The following ARFIP1 variants were observed in gnomAD, a reference collection of about 807,000 sequenced individuals.
ARFIP1 encodes ARF interacting protein 1, also known as arfaptin-1.
In ARFIP1, 24 loss-of-function variants were observed where a neutral mutation model predicts 42.5. That is an observed-to-expected ratio of 0.57 (90% CI 0.41 to 0.80). The LOEUF (loss-of-function observed/expected upper bound fraction) is 0.80, where lower values mean the gene tolerates loss of function less well. ARFIP1 is among the 30% of genes least tolerant of loss of function. The pLI is 0.00. For synonymous variants in ARFIP1, 141 were observed against 153.7 expected (o/e 0.92, Z 0.61); for missense variants, 354 against 434.0 (o/e 0.82, Z 1.64).
chr4:152,846,970 T>A (rs1350223953), intron 2 of ARFIP1, among the ~76,000 whole-genome samples: 1 of 151,900 alleles, frequency 6.6e-6, no homozygotes, highest in African/African-American at 2.4e-5. Context: ...GATATTTGAT[T>A]TTTCATTTTA....
intron 1 of ARFIP1, among the ~76,000 whole-genome samples, chr4:152,781,078 G>C (rs1037553603): frequency 1.1e-4 from 16 of 152,230 alleles, no homozygotes; most frequent in African/African-American, 3.9e-4. Flanking sequence ...AAGAGATCCA[G>C]AACTTCGCAT....
chr4:152,892,327 C>T (rs894180947), intron 8 of ARFIP1, among the ~76,000 whole-genome samples: 10 of 152,196 alleles, frequency 6.6e-5, no homozygotes, highest in African/African-American at 2.4e-4. Flanking sequence ...TTCTCTCTCT[C>T]TGTCTCTCTT....
At chr4:152,904,234 A>C (rs2149912416) in intron 8 of ARFIP1, among the ~76,000 whole-genome samples, 1 of 147,578 alleles carries the variant, frequency 6.8e-6, no homozygotes, top group South Asian at 2.1e-4. Context: ...CTCTGTCACC[A>C]GGCTGGAGTG....
intron 2 of ARFIP1, among the ~76,000 whole-genome samples, chr4:152,840,792 C>T (rs1732004461): frequency 6.7e-6 from 1 of 148,180 alleles, no homozygotes; most frequent in South Asian, 2.1e-4. Context: ...AATCTCGGCT[C>T]ACTGCAGCTT....
chr4:152,908,893 T>A (rs1344381701), intron 8 of ARFIP1, among the ~76,000 whole-genome samples: 1 of 20,292 alleles, frequency 4.9e-5, no homozygotes, highest in East Asian at 2.8e-3. Flanking sequence ...TAGAGAGAAG[T>A]GTGTGTGTGT....
chr4:152,839,381 T>C (rs1731887536), intron 2 of ARFIP1, among the ~76,000 whole-genome samples: 2 of 152,222 alleles, frequency 1.3e-5, no homozygotes, highest in South Asian at 4.1e-4. Flanking sequence ...GAATTTCTGG[T>C]ATAATTCTGC....
At chr4:152,847,037 ACATCTATGTAGAGATG>A in intron 2 of ARFIP1, among the ~76,000 whole-genome samples, 17 of 150,300 alleles carry the variant, frequency 1.1e-4, no homozygotes, top group African/African-American at 3.9e-4. Flanking sequence ...CTCAATATTC[ACATCTATGTAGAGATG>A]ATTTTGTCCT....
At chr4:152,868,467 G>A (rs906128113) in intron 3 of ARFIP1, among the ~76,000 whole-genome samples, 1 of 152,006 alleles carries the variant, frequency 6.6e-6, no homozygotes, top group African/African-American at 2.4e-5. Context: ...TTGTTTAAAG[G>A]GTTAAAGTAT....
At chr4:152,837,229 A>G (rs527453263) in intron 2 of ARFIP1, among the ~76,000 whole-genome samples, 1 of 152,264 alleles carries the variant, frequency 6.6e-6, no homozygotes, top group African/African-American at 2.4e-5. Context: ...GAATTGTGCC[A>G]CTATAAACAT....
intron 2 of ARFIP1, among the ~76,000 whole-genome samples, chr4:152,848,687 A>G (rs889544331): frequency 3.9e-5 from 6 of 152,188 alleles, no homozygotes; most frequent in African/African-American, 1.4e-4. Context: ...TTCCCAAGAG[A>G]TTGGAATCAC....
chr4:152,887,294 A>G (rs1049855536), intron 7 of ARFIP1, among the ~76,000 whole-genome samples: 5 of 151,902 alleles, frequency 3.3e-5, no homozygotes, highest in Admixed American at 3.3e-4. Flanking sequence ...ATGGGGGGAG[A>G]ATATCAGAGT....
intron 8 of ARFIP1, among the ~76,000 whole-genome samples, chr4:152,896,518 A>G (rs576840790): frequency 2.0e-5 from 3 of 152,346 alleles, no homozygotes; most frequent in African/African-American, 7.2e-5. Flanking sequence ...AGTATCTTGT[A>G]TGTAAGAAAA....
At chr4:152,816,043 C>A (rs915995805) in intron 1 of ARFIP1, among the ~76,000 whole-genome samples, 13 of 152,258 alleles carry the variant, frequency 8.5e-5, no homozygotes, top group African/African-American at 2.9e-4. Context: ...CGCGCCCGGC[C>A]ATCTGACCAC....
At chr4:152,905,601 G>T (rs1322528738) in intron 8 of ARFIP1, among the ~76,000 whole-genome samples, 1 of 107,738 alleles carries the variant, frequency 9.3e-6, no homozygotes, top group Non-Finnish European at 1.8e-5. Flanking sequence ...TGTCCAGGCT[G>T]GAGTGCAGTG....
rs1738730652 is a variant in ARFIP1, at chr4:152,910,195, C to G, written c.1098C>G (p.Ala366=). 4 of 1,613,368 alleles carry G rather than the reference C, an allele frequency of 2.5e-6. No homozygotes were observed. In the East Asian group the frequency reaches 6.7e-5, roughly 27 times the overall value. ...HIKLKTPGVD[A]PSWLEEQ The stretch of plus-strand genomic sequence containing the variant: ...AATTGAAAACCCCTGGAGTGGATGC[C>G]CCATCTTGGCTTGAAGAACAGTAAA... Residue 366 remains alanine, a synonymous_variant, in exon 9 of 9, where the codon GCC becomes GCG. Coordinates refer to ENST00000353617, the MANE Select transcript of ARFIP1 (RefSeq NM_001025595.3).
intron 1 of ARFIP1, among the ~76,000 whole-genome samples, chr4:152,793,325 AT>A (rs935075205): frequency 1.1e-4 from 16 of 141,340 alleles, no homozygotes; most frequent in South Asian, 7.0e-4. Flanking sequence ...AAAAAAAAAA[AT>A]GATATATATA....
intron 1 of ARFIP1, among the ~76,000 whole-genome samples, chr4:152,809,162 G>A (rs1040171247): frequency 3.9e-5 from 6 of 152,138 alleles, no homozygotes; most frequent in African/African-American, 1.2e-4. Flanking sequence ...AGCTAATTTT[G>A]CTGTATTAAC....
chr4:152,824,743 G>A (rs1730679121), intron 1 of ARFIP1, among the ~76,000 whole-genome samples: 1 of 152,166 alleles, frequency 6.6e-6, no homozygotes, highest in African/African-American at 2.4e-5. Context: ...TTGGAAAAGA[G>A]GAAGTCCGGT....
intron 3 of ARFIP1, among the ~76,000 whole-genome samples, chr4:152,865,359 A>G (rs1234394541): frequency 6.6e-6 from 1 of 151,650 alleles, no homozygotes; most frequent in Non-Finnish European, 1.5e-5. Context: ...CTGGTCTCCA[A>G]CTCCTGAGCT....
Sources: gnomAD v4.1 joint callset for allele counts (sites outside exome capture counted in the v4.1 genomes callset) on GRCh38, gnomAD v4.1.1 for gene constraint, MANE v1.5 for transcripts, NCBI Gene and HGNC (gene_info 2026-07-23, HGNC 2026-07-21) for gene names.